The following BRINP3 variants were observed in gnomAD, a reference collection of about 807,000 sequenced individuals.
BRINP3 encodes the protein BMP/retinoic acid inducible neural specific 3.
In BRINP3, 19 loss-of-function variants were observed where a neutral mutation model predicts 71.0. The observed-to-expected ratio is 0.27, with a 90% confidence interval of 0.19 to 0.39. The LOEUF (loss-of-function observed/expected upper bound fraction) is 0.39. BRINP3 is among the 10% of genes least tolerant of loss of function. The pLI is 1.00. For missense variants in BRINP3, 959 were observed against 940.8 expected (o/e 1.02, Z -0.25); for synonymous variants, 380 against 337.7 (o/e 1.13, Z -1.37).
intron 2 of BRINP3, among the ~76,000 whole-genome samples, chr1:190,401,042 T>C (rs1671883941): frequency 6.6e-6 from 1 of 152,126 alleles, no homozygotes; most frequent in Admixed American, 6.5e-5. Flanking sequence ...GAAGAAAGCC[T>C]AGCTGAGGAC....
rs77843797 is a variant in BRINP3 at position 190,277,302 on chromosome 1, G to A, written c.427+4258C>T. The stretch of plus-strand genomic sequence containing the variant: ...CACCTCTTACTCTTCCTCCTTTTGT[G>A]GATGTGCTTGTCAGGAGATCACAGG... On this transcript the variant is annotated intron_variant, in intron 3 of 7. Transcript: ENST00000367462. 3.5e-3 allele frequency among the ~76,000 whole-genome samples: 527 copies of A among 150,578 alleles called. 5 individuals carry two copies. Among genetic ancestry groups the A allele is most frequent in the African/African-American group, 0.012 (491 of 41,196 alleles).
rs1388982325 is a variant in BRINP3, at chr1:190,264,992, T to A, written c.491A>T (p.Asp164Val). 1.2e-6 allele frequency: 2 copies of A among 1,611,874 alleles called. No homozygotes were observed. The highest frequency in any genetic ancestry group is 1.7e-6 in the Non-Finnish European group (2 of 1,179,088). The change falls in exon 4 of 8, where the codon GAT (aspartate) becomes GTT (valine). Residue 164 changes from aspartate (D) to valine (V), a missense_variant. Asp to Val is a radical substitution (Grantham distance 152). Transcript: ENST00000367462. Reference protein sequence around the residue: ...RKLSKRAEGSDSTTNSSSVTL... With the variant: ...RKLSKRAEGSVSTTNSSSVTL... ...GACCGAAGAGCTATTGGTGGTGGAA[T>A]CACTTCCTTCAGCTCGTTTGCTCAA... is the stretch of plus-strand genomic sequence containing the variant.
chr1:190,418,306 C>T (rs1485698948), intron 2 of BRINP3, among the ~76,000 whole-genome samples: 1 of 152,142 alleles, frequency 6.6e-6, no homozygotes, highest in Non-Finnish European at 1.5e-5. Flanking sequence ...CCGCCTCAGC[C>T]TCCCAAACTG....
chr1:190,206,631 T>C (rs988833578), intron 6 of BRINP3, among the ~76,000 whole-genome samples: 4 of 152,062 alleles, frequency 2.6e-5, no homozygotes, highest in African/African-American at 9.7e-5. Flanking sequence ...TTAGTTTGCA[T>C]TGTGCTCAGA....
At position 190,276,147 on chromosome 1, in the gene BRINP3, A is replaced by C. The variant is rs562383398; in HGVS notation, c.427+5413T>G. 7.2e-5 allele frequency among the ~76,000 whole-genome samples: 11 copies of C among 151,746 alleles called. No individual in the cohort carries two copies. The East Asian group carries it at 1.9e-3, about 27-fold the overall frequency. On this transcript the variant is annotated intron_variant, in intron 3 of 7. Transcript: ENST00000367462. The stretch of plus-strand genomic sequence containing the variant: ...AAATATTTATTTTTCTTTCTTTTAA[A>C]ACAATATATATTCTGAGAGAAAGTA...
At chr1:190,215,899 A>G (rs1656371051) in intron 6 of BRINP3, among the ~76,000 whole-genome samples, 1 of 151,852 alleles carries the variant, frequency 6.6e-6, no homozygotes, top group Non-Finnish European at 1.5e-5. Flanking sequence ...TCATGCCAAA[A>G]CATTTGTAAA....
chr1:190,195,364 T>G (rs1385546585), intron 6 of BRINP3, among the ~76,000 whole-genome samples: 1 of 152,050 alleles, frequency 6.6e-6, no homozygotes, highest in Admixed American at 6.6e-5. Flanking sequence ...GTACATAGTT[T>G]GTCTTATTTG....
intron 4 of BRINP3, among the ~76,000 whole-genome samples, chr1:190,260,121 G>T (rs554379380): frequency 2.5e-4 from 38 of 151,884 alleles, no homozygotes; most frequent in African/African-American, 8.7e-4. Flanking sequence ...TGGTTACTAG[G>T]ATGGGAGAGG....
chr1:190,416,892 G>A (rs1351180604), intron 2 of BRINP3, among the ~76,000 whole-genome samples: 1 of 152,148 alleles, frequency 6.6e-6, no homozygotes, highest in Non-Finnish European at 1.5e-5. Context: ...AGTAAGTAGA[G>A]ACACCGGAAG....
chr1:190,405,244 G>T (rs961149093), intron 2 of BRINP3, among the ~76,000 whole-genome samples: 1 of 151,970 alleles, frequency 6.6e-6, no homozygotes, highest in Admixed American at 6.6e-5. Flanking sequence ...GAGGTCAGCA[G>T]ATCGAGACCA....
chr1:190,280,920 G>A (rs1383440508), intron 3 of BRINP3, among the ~76,000 whole-genome samples: 1 of 151,794 alleles, frequency 6.6e-6, no homozygotes, highest in East Asian at 1.9e-4. Context: ...GGTCATTTAA[G>A]TATATTCAAA....
chr1:190,392,758 A>C (rs911940248), intron 2 of BRINP3, among the ~76,000 whole-genome samples: 1 of 151,532 alleles, frequency 6.6e-6, no homozygotes, highest in Non-Finnish European at 1.5e-5. Context: ...TTCTATAAAC[A>C]CCTGAGTACA....
intron 6 of BRINP3, among the ~76,000 whole-genome samples, chr1:190,167,947 G>A (rs1043081216): frequency 2.6e-5 from 4 of 152,122 alleles, no homozygotes; most frequent in Non-Finnish European, 4.4e-5. Context: ...ATTGGCATTT[G>A]TCTATAGGAT....
chr1:190,201,761 C>T (rs1179180564), intron 6 of BRINP3, among the ~76,000 whole-genome samples: 1 of 152,220 alleles, frequency 6.6e-6, no homozygotes, highest in African/African-American at 2.4e-5. Context: ...CTTAATCAAG[C>T]CTTGCCAGCT....
In BRINP3 at chr1:190,448,446, A is replaced by G. The variant is rs534972861; in HGVS notation, c.236+6209T>C. Among the ~76,000 whole-genome samples, 19 of 145,098 alleles carry G rather than the reference A, an allele frequency of 1.3e-4. No individual in the cohort carries two copies. In the South Asian group the frequency reaches 3.5e-3, roughly 27 times the overall value. On this transcript the variant is annotated intron_variant, in intron 2 of 7. Transcript: ENST00000367462. Reference sequence around the variant, plus strand: ...TATTTAAATAATCTTTTTTCTTAACACCCCTACACTTGGGGTTTGTGTGTG... The same window carrying G: ...TATTTAAATAATCTTTTTTCTTAACGCCCCTACACTTGGGGTTTGTGTGTG...
chr1:190,216,161 T>G (rs886705505), intron 6 of BRINP3, among the ~76,000 whole-genome samples: 11 of 151,806 alleles, frequency 7.2e-5, no homozygotes, highest in Non-Finnish European at 1.5e-5. Context: ...AAAATATGCA[T>G]GCAAAACTGT....
intron 2 of BRINP3, among the ~76,000 whole-genome samples, chr1:190,386,002 A>G (rs976204986): frequency 6.9e-6 from 1 of 145,850 alleles, no homozygotes; most frequent in Non-Finnish European, 1.5e-5. Context: ...AACACCGCAT[A>G]TTCTCACTTA....
chr1:190,227,070 G>A (rs150843661), intron 5 of BRINP3, among the ~76,000 whole-genome samples: 2 of 151,860 alleles, frequency 1.3e-5, no homozygotes, highest in Non-Finnish European at 1.5e-5. Flanking sequence ...TTTCAAAAAT[G>A]TAGTTTTTCA....
At chr1:190,288,291 AAAAT>A (rs1471940964) in intron 2 of BRINP3, among the ~76,000 whole-genome samples, 3 of 151,984 alleles carry the variant, frequency 2.0e-5, no homozygotes, top group Non-Finnish European at 4.4e-5. Flanking sequence ...AAAATAAAAT[AAAAT>A]ATTTAGTCTG....
Sources: allele counts gnomAD v4.1 joint callset (sites outside exome capture counted in the v4.1 genomes callset), GRCh38; gene constraint gnomAD v4.1.1; transcripts MANE v1.5; gene names NCBI Gene and HGNC (gene_info 2026-07-23, HGNC 2026-07-21).